The following PPP1R10 variants were observed in gnomAD, a reference collection of about 807,000 sequenced individuals.
The protein encoded by PPP1R10 is protein phosphatase 1 regulatory subunit 10, also known as serine/threonine-protein phosphatase 1 regulatory subunit 10.
PPP1R10 carries 15 observed loss-of-function variants against 99.0 expected under a neutral mutation model. That is an observed-to-expected ratio of 0.15 (90% CI 0.10 to 0.23). The LOEUF (loss-of-function observed/expected upper bound fraction) is 0.23, where lower values mean the gene tolerates loss of function less well. Ranked by LOEUF, PPP1R10 falls within the 10% of genes least tolerant of loss-of-function variation. PPP1R10 has a pLI of 1.00. For synonymous variants in PPP1R10, 430 were observed against 449.5 expected (o/e 0.96, Z 0.55); for missense variants, 947 against 1,259.4 (o/e 0.75, Z 3.75).
rs1803268353 is a variant in PPP1R10 at position 30,601,115 on chromosome 6, A to G, written c.*434T>C. ...CTCCCCACCCCATGAGGAATAATGA[A>G]CTTAGCTGGGATGATTTCTTAAGTG... is the stretch of plus-strand genomic sequence containing the variant. On this transcript the variant is annotated 3_prime_UTR_variant, in exon 20 of 20. Coordinates refer to ENST00000376511, the MANE Select transcript of PPP1R10 (RefSeq NM_002714.4). The G allele has an allele frequency of 5.6e-6, 1 of 177,568 alleles. No homozygotes were observed. Among genetic ancestry groups the G allele is most frequent in the Non-Finnish European group, 1.2e-5 (1 of 82,768 alleles). 11.0% of individuals were successfully genotyped at this position (177,568 alleles called of 1,614,324 possible). A position where few individuals can be genotyped will look rare whatever the true frequency, so the allele number is the denominator to read the frequency against.
At chr6:30,612,784 G>A (rs551887070) in intron 2 of PPP1R10, among the ~76,000 whole-genome samples, 70 of 152,250 alleles carry the variant, frequency 4.6e-4, no homozygotes, top group Non-Finnish European at 7.8e-4. Flanking sequence ...AAGTGGAAAG[G>A]AATGTAAAGT....
At chr6:30,615,545 T>C (rs1306502737) in intron 2 of PPP1R10, among the ~76,000 whole-genome samples, 1 of 152,128 alleles carries the variant, frequency 6.6e-6, no homozygotes, top group Admixed American at 6.5e-5. Context: ...ACAAGGAAAG[T>C]CGCCATATTG....
intron 2 of PPP1R10, among the ~76,000 whole-genome samples, chr6:30,611,151 A>T (rs73433141): frequency 0.024 from 3,726 of 152,242 alleles, 131 homozygotes; most frequent in African/African-American, 0.075. Context: ...TCTACAAAAC[A>T]TAAGTCGAGT....
intron 2 of PPP1R10, among the ~76,000 whole-genome samples, chr6:30,615,489 A>T (rs980361123): frequency 6.6e-6 from 1 of 152,204 alleles, no homozygotes; most frequent in African/African-American, 2.4e-5. Flanking sequence ...ACAGGAAAAA[A>T]AATGGGTCAA....
At chr6:30,615,895 C>T (rs1417184061) in intron 2 of PPP1R10, among the ~76,000 whole-genome samples, 1 of 152,102 alleles carries the variant, frequency 6.6e-6, no homozygotes, top group Non-Finnish European at 1.5e-5. Flanking sequence ...AAATATACCC[C>T]AAGCAAATTA....
In PPP1R10 at chr6:30,602,288, A is replaced by C. The variant is rs755732411; in HGVS notation, c.2361T>G (p.Pro787=). The change falls in exon 19 of 20, where the codon CCT becomes CCG. Residue 787 remains proline (P), a synonymous_variant. Transcript: ENST00000376511. This position sits in a 1 kb window ranked among gnomAD's most constrained non-coding sequence, Gnocchi z 6.7. ...CTCCACCCCCACCCATGCTACCACC[A>C]GGGCCTTCATGGGGGCGATGCCCAC... The part of the protein sequence containing the change: ...MGSGHRPHEG[P]GGSMGGGGGH... 6.8e-6 allele frequency: 11 copies of C among 1,611,744 alleles called. No homozygotes were observed. The African/African-American group carries it at 9.4e-5, about 14-fold the overall frequency.
chr6:30,605,864 A>G, intron 10 of PPP1R10, 59 bp downstream of exon 10: 2 of 1,334,328 alleles, frequency 1.5e-6, no homozygotes, highest in Non-Finnish European at 2.0e-6. Flanking sequence ...TGTCTCCAAA[A>G]AAAAAAAAAA....
Position 30,604,379 on chromosome 6 carries a change from T to C in PPP1R10, c.1235A>G (p.Tyr412Cys). The C allele has an allele frequency of 6.2e-7, 1 of 1,614,164 alleles. No homozygotes were observed. Among genetic ancestry groups the C allele is most frequent in the Non-Finnish European group, 8.5e-7 (1 of 1,180,038 alleles). Residue 412 changes from tyrosine to cysteine, a missense_variant, in exon 13 of 20, where the codon TAT (tyrosine) becomes TGT (cysteine). Tyr to Cys is a radical substitution (Grantham distance 194). Transcript: ENST00000376511. The surrounding 1 kb of genome is among the most constrained non-coding windows in gnomAD (Gnocchi z 7.3). Reference protein sequence around the residue: ...PEEGKLREYFYFELDETERVN... With the variant: ...PEEGKLREYFCFELDETERVN... ...TCGTTCAGTTTCATCCAATTCAAAA[T>C]AGAAATATTCTCTCAGTTTGCCTTC...
At chr6:30,612,087 G>A (rs1425548780) in intron 2 of PPP1R10, among the ~76,000 whole-genome samples, 1 of 152,180 alleles carries the variant, frequency 6.6e-6, no homozygotes, top group Non-Finnish European at 1.5e-5. Context: ...AAGCAATCAA[G>A]AGACTAAGAA....
At chr6:30,610,918 G>C (rs1312374821) in intron 2 of PPP1R10, among the ~76,000 whole-genome samples, 1 of 152,188 alleles carries the variant, frequency 6.6e-6, no homozygotes, top group African/African-American at 2.4e-5. Flanking sequence ...TTATGGAAGG[G>C]ACAAGCCAGA....
intron 5 of PPP1R10, among the ~76,000 whole-genome samples, chr6:30,608,269 G>A (rs932436067): frequency 6.7e-6 from 1 of 149,150 alleles, no homozygotes; most frequent in Non-Finnish European, 1.5e-5. Context: ...TGGGATTACA[G>A]GTGTGAGCCA....
Position 30,609,987 on chromosome 6 carries a change from C to T in PPP1R10, c.-11-32G>A. On this transcript the variant is annotated intron_variant, in intron 2 of 19. Coordinates refer to ENST00000376511, the MANE Select transcript of PPP1R10 (RefSeq NM_002714.4). The surrounding 1 kb of genome is among the most constrained non-coding windows in gnomAD (Gnocchi z 4.5). ...TAAGAGGACAAAACAAACAAACCCA[C>T]AGAATAAATGGGTGGCAAGGACTAC... is the stretch of plus-strand genomic sequence containing the variant. 2.0e-6 allele frequency: 3 copies of T among 1,480,606 alleles called. No individual in the cohort carries two copies. The highest frequency in any genetic ancestry group is 2.8e-6 in the Non-Finnish European group (3 of 1,058,592). The allele number at this position is 1,480,606 out of a possible 1,614,324, so 91.7% of individuals were successfully genotyped here. A position where few individuals can be genotyped will look rare whatever the true frequency, so the allele number is the denominator to read the frequency against.
In PPP1R10 at chr6:30,609,856, C is replaced by T. The variant is rs773044718; in HGVS notation, c.89G>A (p.Gly30Glu). ...GACTCACCTGAAGATCTTGGAAATCCCATCCACACTTTTGACTTCCCCATC... is the reference window on the plus strand; with the variant it reads ...GACTCACCTGAAGATCTTGGAAATCTCATCCACACTTTTGACTTCCCCATC... Reference protein sequence around the residue: ...NRDGEVKSVDGISKIFSLMKE... With the variant: ...NRDGEVKSVDEISKIFSLMKE... The change falls in exon 3 of 20, where the codon GGG (glycine) becomes GAG (glutamate). Residue 30 changes from glycine (G) to glutamate (E), a missense_variant. This residue lies in a region of PPP1R10 where 82 missense variants were observed against 117.3 expected (regional missense o/e 0.70). Transcript: ENST00000376511. The surrounding 1 kb of genome is among the most constrained non-coding windows in gnomAD (Gnocchi z 4.5). 2 of 1,613,844 alleles carry T rather than the reference C, an allele frequency of 1.2e-6. No individual in the cohort carries two copies. Among genetic ancestry groups the T allele is most frequent in the Admixed American group, 3.3e-5 (2 of 60,010 alleles).
chr6:30,615,634 A>G (rs1171999262), intron 2 of PPP1R10, among the ~76,000 whole-genome samples: 2 of 152,236 alleles, frequency 1.3e-5, no homozygotes, highest in Non-Finnish European at 2.9e-5. Context: ...AATGGCTTTT[A>G]AAATTATACT....
At chr6:30,612,383 AAAG>A (rs1281380646) in intron 2 of PPP1R10, among the ~76,000 whole-genome samples, 14 of 152,336 alleles carry the variant, frequency 9.2e-5, no homozygotes, top group African/African-American at 2.9e-4. Context: ...GGGAGACAAG[AAAG>A]AAGAGCCAGT....
At chr6:30,601,816 C>T in intron 19 of PPP1R10, 120 bp downstream of exon 19, 1 of 1,340,324 alleles carries the variant, frequency 7.5e-7, no homozygotes, top group Non-Finnish European at 1.0e-6. Context: ...CATACTAGGA[C>T]ATCAAAGAGA....
In PPP1R10 at chr6:30,603,606, A is replaced by G. The variant is rs1803603230; in HGVS notation, c.1633T>C (p.Ser545Pro). The change falls in exon 16 of 20, where the codon TCA (serine) becomes CCA (proline). Residue 545 changes from serine to proline, a missense_variant. Transcript: ENST00000376511. The part of the protein sequence containing the change: ...ETLEPGGSGG[S>P]PDGAGGSKLP... ...TTGGAGCCTCCTGCCCCATCAGGTGAGCCACCTGACCCCCCAGGTTCCAGA... is the reference window on the plus strand; with the variant it reads ...TTGGAGCCTCCTGCCCCATCAGGTGGGCCACCTGACCCCCCAGGTTCCAGA... 1 of 1,613,928 alleles carries G rather than the reference A, an allele frequency of 6.2e-7. No homozygotes were observed. The highest frequency in any genetic ancestry group is 1.1e-5 in the South Asian group (1 of 91,062).
rs537071240 is a variant in PPP1R10, at chr6:30,607,970, A to G, written c.331-79T>C. 3 of 1,369,180 alleles carry G rather than the reference A, an allele frequency of 2.2e-6. No individual in the cohort carries two copies. In the African/African-American group the frequency reaches 4.4e-5, roughly 20 times the overall value. 84.8% of individuals were successfully genotyped at this position (1,369,180 alleles called of 1,614,324 possible). ...CTTAGAGCTAAAAACGACAAAAGTT[A>G]CAGTCCTCCCTGCTTTTTTTTTTTT... On this transcript the variant is annotated intron_variant, in intron 5 of 19. Coordinates refer to ENST00000376511, the MANE Select transcript of PPP1R10 (RefSeq NM_002714.4).
chr6:30,601,183 G>A lies in PPP1R10; in HGVS notation c.*366C>T, dbSNP rs878858453. On this transcript the variant is annotated 3_prime_UTR_variant, in exon 20 of 20. Transcript: ENST00000376511. The stretch of plus-strand genomic sequence containing the variant: ...GAGTTCTGTGTGCATGTGGGGACCC[G>A]CAATAGAAGGGTAGGGGTGTTCGCC... The A allele has an allele frequency of 1.3e-5, 3 of 235,130 alleles. No individual in the cohort carries two copies. The highest frequency in any genetic ancestry group is 2.3e-5 in the African/African-American group (1 of 44,424). 14.6% of individuals were successfully genotyped at this position (235,130 alleles called of 1,614,324 possible).
Sources: gnomAD v4.1 joint callset for allele counts (sites outside exome capture counted in the v4.1 genomes callset) on GRCh38, gnomAD v4.1.1 for gene constraint, gnomAD v4.1.1 regional missense constraint, Gnocchi (gnomAD v3.1) non-coding constraint, MANE v1.5 for transcripts, NCBI Gene and HGNC (gene_info 2026-07-23, HGNC 2026-07-21) for gene names.